Variants in MYO16 observed in about 807,000 individuals in gnomAD.
MYO16 encodes myosin XVI, also known as unconventional myosin-XVI.
In MYO16, 94 loss-of-function variants were observed where a neutral mutation model predicts 205.3. The observed-to-expected ratio is 0.46, with a 90% confidence interval of 0.39 to 0.54. The LOEUF is 0.54. Among genes scored for constraint, MYO16 ranks in the 20% least tolerant of loss-of-function variants. The probability of loss-of-function intolerance (pLI) is 0.00; values close to 1 mark genes in which losing one functional copy is unlikely to be tolerated. For synonymous variants in MYO16, 988 were observed against 954.0 expected (o/e 1.04, Z -0.66); for missense variants, 2,315 against 2,387.5 (o/e 0.97, Z 0.63).
At chr13:109,066,338 T>C (rs1199702067) in intron 27 of MYO16, among the ~76,000 whole-genome samples, 1 of 152,226 alleles carries the variant, frequency 6.6e-6, no homozygotes, top group Non-Finnish European at 1.5e-5. Context: ...TCTTAACAGC[T>C]TGAATTAGCA....
intron 34 of MYO16, among the ~76,000 whole-genome samples, chr13:109,205,666 G>A (rs998575960): frequency 1.7e-4 from 26 of 152,024 alleles, no homozygotes; most frequent in Non-Finnish European, 1.3e-4. Flanking sequence ...CAGACTTCTG[G>A]CGGCTGGCAG....
At chr13:109,096,230 C>G (rs897054114) in intron 27 of MYO16, among the ~76,000 whole-genome samples, 3 of 152,220 alleles carry the variant, frequency 2.0e-5, no homozygotes, top group Non-Finnish European at 4.4e-5. Context: ...CTTGCCTCTT[C>G]CTGGTCTCTG....
At chr13:108,548,473 C>T in the MYO16 span, among the ~76,000 whole-genome samples, 4 of 145,612 alleles carry the variant, frequency 2.7e-5, no homozygotes, top group South Asian at 4.5e-4. Context: ...GTGGTGAAGA[C>T]GATGATGATG....
At chr13:108,832,929 G>A (rs972968476) in intron 9 of MYO16, among the ~76,000 whole-genome samples, 35 of 151,836 alleles carry the variant, frequency 2.3e-4, no homozygotes, top group Admixed American at 2.3e-3. Context: ...TTTTCACTTA[G>A]GTATTCTGAA....
At chr13:108,906,615 C>G (rs1339029374) in intron 15 of MYO16, among the ~76,000 whole-genome samples, 2 of 152,162 alleles carry the variant, frequency 1.3e-5, no homozygotes, top group Admixed American at 1.3e-4. Flanking sequence ...TTATTGCAAA[C>G]AGCCTGGGCT....
chr13:108,539,775 G>A, the MYO16 span, among the ~76,000 whole-genome samples: 1 of 152,066 alleles, frequency 6.6e-6, no homozygotes, highest in East Asian at 1.9e-4. Flanking sequence ...CCACAGCTGA[G>A]GAGAAGATGG....
At chr13:109,185,838 T>C (rs1301932623) in intron 34 of MYO16, among the ~76,000 whole-genome samples, 2 of 152,202 alleles carry the variant, frequency 1.3e-5, no homozygotes, top group Non-Finnish European at 2.9e-5. Flanking sequence ...ATAAATCATA[T>C]AATATTCACA....
chr13:108,566,056 T>A, the MYO16 span, among the ~76,000 whole-genome samples: 5 of 152,170 alleles, frequency 3.3e-5, no homozygotes, highest in Admixed American at 6.5e-5. Flanking sequence ...AGAATGAGTT[T>A]GAAAGTATTC....
chr13:109,082,467 T>C (rs576816840), intron 27 of MYO16, among the ~76,000 whole-genome samples: 69 of 152,300 alleles, frequency 4.5e-4, no homozygotes, highest in African/African-American at 1.6e-3. Context: ...AAGGTGAAAA[T>C]TGAAGATAAC....
intron 16 of MYO16, among the ~76,000 whole-genome samples, chr13:108,918,178 C>A (rs1024264232): frequency 1.3e-5 from 2 of 152,186 alleles, no homozygotes; most frequent in South Asian, 2.1e-4. Flanking sequence ...CTTCTCCTTT[C>A]TTTTTCATAT....
At chr13:109,196,640 C>G (rs1880168142) in intron 34 of MYO16, among the ~76,000 whole-genome samples, 1 of 152,144 alleles carries the variant, frequency 6.6e-6, no homozygotes, top group Non-Finnish European at 1.5e-5. Flanking sequence ...TCCAAACTGA[C>G]AGGAGCTTGT....
chr13:108,800,695 A>C (rs1395511152), intron 6 of MYO16, among the ~76,000 whole-genome samples: 1 of 152,230 alleles, frequency 6.6e-6, no homozygotes, highest in Non-Finnish European at 1.5e-5. Context: ...AATGGTCCTC[A>C]AGATTAGTTT....
chr13:109,205,233 T>A (rs752139070), intron 34 of MYO16, among the ~76,000 whole-genome samples: 3 of 152,138 alleles, frequency 2.0e-5, no homozygotes, highest in African/African-American at 2.4e-5. Context: ...GCTCCAGAAC[T>A]CTAGTTACAG....
At chr13:108,764,281 T>C (rs1395480937) in intron 4 of MYO16, among the ~76,000 whole-genome samples, 1 of 152,156 alleles carries the variant, frequency 6.6e-6, no homozygotes, top group African/African-American at 2.4e-5. Context: ...CATAATGTGG[T>C]AGAGATGAAG....
chr13:108,604,136 A>G (rs1335568312), intron 1 of MYO16, among the ~76,000 whole-genome samples: 2 of 152,178 alleles, frequency 1.3e-5, no homozygotes, highest in Non-Finnish European at 2.9e-5. Context: ...TCTCACAAGA[A>G]CAGCATGGGG....
intron 16 of MYO16, among the ~76,000 whole-genome samples, chr13:108,914,944 G>T (rs995718832): frequency 6.6e-6 from 1 of 152,162 alleles, no homozygotes; most frequent in African/African-American, 2.4e-5. Flanking sequence ...CGCCCGACCT[G>T]TAATTTGGTT....
At chr13:108,626,773 G>C (rs1325842185), upstream of MYO16, among the ~76,000 whole-genome samples, 3 of 151,272 alleles carry the variant, frequency 2.0e-5, no homozygotes, top group Admixed American at 6.6e-5. Context: ...CCATTGCACT[G>C]CAGCCTGGGT....
Position 108,665,903 on chromosome 13 carries a change from A to C in MYO16, c.46A>C (p.Asn16His), listed in dbSNP as rs778794775. Residue 16 changes from asparagine (N) to histidine (H), a missense_variant, in exon 2 of 35, where the codon AAC becomes CAC. Around this residue, in one of 3 missense-constraint regions of MYO16, gnomAD observed 1,213 missense variants for 1,274.4 expected, o/e 0.95. Transcript: ENST00000457511. ...FIKCCCFQLCNVFRSHEMEID... is the reference protein window; with the variant it reads ...FIKCCCFQLCHVFRSHEMEID... The stretch of plus-strand genomic sequence containing the variant: ...TCTTCCAGGTTGCTTTCAGCTATGT[A>C]ACGTTTTTCGATCCCATGAGATGGA... 5.0e-6 allele frequency: 8 copies of C among 1,613,918 alleles called. No individual in the cohort carries two copies. In the South Asian group the frequency reaches 7.7e-5, roughly 16 times the overall value.
At chr13:108,985,987 C>T (rs764304017) in intron 20 of MYO16, among the ~76,000 whole-genome samples, 1 of 152,096 alleles carries the variant, frequency 6.6e-6, no homozygotes, top group Non-Finnish European at 1.5e-5. Context: ...TTCCACATGG[C>T]TAGGGAGGCC....
Sources: allele counts gnomAD v4.1 joint callset (sites outside exome capture counted in the v4.1 genomes callset), GRCh38; gene constraint gnomAD v4.1.1; regional missense constraint gnomAD v4.1.1; transcripts MANE v1.5; gene names NCBI Gene and HGNC (gene_info 2026-07-23, HGNC 2026-07-21).